Variants in SPIRE1 observed in about 807,000 individuals in gnomAD.
SPIRE1 encodes protein spire homolog 1.
A neutral mutation model predicts 94.1 loss-of-function variants in SPIRE1; 40 were observed. The ratio of observed to expected loss-of-function variants is 0.43; its 90% CI spans 0.33 to 0.55. SPIRE1 has a LOEUF of 0.55. SPIRE1 is among the 20% of genes least tolerant of loss of function. SPIRE1 has a pLI of 0.06. For synonymous variants in SPIRE1, 376 were observed against 371.7 expected (o/e 1.01, Z -0.13); for missense variants, 838 against 975.2 (o/e 0.86, Z 1.87).
At chr18:12,617,071 G>A (rs889172366) in intron 2 of SPIRE1, among the ~76,000 whole-genome samples, 1 of 150,614 alleles carries the variant, frequency 6.6e-6, no homozygotes, top group Non-Finnish European at 1.5e-5. Context: ...TGTTGGCCAG[G>A]CTGGTCTTGG....
intron 1 of SPIRE1, among the ~76,000 whole-genome samples, chr18:12,635,690 T>C (rs1034412986): frequency 6.6e-6 from 1 of 152,180 alleles, no homozygotes. Context: ...CATTAGTATT[T>C]TTCTCCATCA....
At chr18:12,565,157 C>G (rs772741360) in intron 2 of SPIRE1, among the ~76,000 whole-genome samples, 1 of 152,048 alleles carries the variant, frequency 6.6e-6, no homozygotes, top group Non-Finnish European at 1.5e-5. Flanking sequence ...ATCCAAGATA[C>G]AGCAAAAATT....
At chr18:12,508,696 G>A (rs550329742) in intron 5 of SPIRE1, among the ~76,000 whole-genome samples, 39 of 148,312 alleles carry the variant, frequency 2.6e-4, no homozygotes, top group Non-Finnish European at 4.5e-4. Context: ...TTTTTGAGAC[G>A]GAGTCTTGCT....
chr18:12,631,344 A>G (rs1406574529), intron 2 of SPIRE1, among the ~76,000 whole-genome samples: 1 of 151,966 alleles, frequency 6.6e-6, no homozygotes, highest in African/African-American at 2.4e-5. Context: ...TGGAGGAAAA[A>G]AAAACTACAT....
rs530706737 is a variant in SPIRE1 at position 12,520,718 on chromosome 18, G to A, written c.730-8187C>T. Reference sequence around the variant, plus strand: ...AAGTGGTATGTTCACCACTTGGAGGGATATAAACCTATTTTAGGTCTAGAA... The same window carrying A: ...AAGTGGTATGTTCACCACTTGGAGGAATATAAACCTATTTTAGGTCTAGAA... On this transcript the variant is annotated intron_variant, in intron 4 of 16. Coordinates refer to ENST00000409402, the MANE Select transcript of SPIRE1 (RefSeq NM_001128626.2). Among the ~76,000 whole-genome samples the A allele has an allele frequency of 5.9e-5, 9 of 152,280 alleles. No homozygotes were observed. The South Asian group carries it at 1.9e-3, about 32-fold the overall frequency.
intron 16 of SPIRE1, 120 bp from the exon 17 acceptor site, chr18:12,450,016 T>C: frequency 9.8e-7 from 1 of 1,024,808 alleles, no homozygotes; most frequent in East Asian, 2.6e-5. Flanking sequence ...GGATGAGTGA[T>C]TTAATCATAT....
chr18:12,661,593 G>A (rs1451124859), upstream of SPIRE1, among the ~76,000 whole-genome samples: 2 of 151,932 alleles, frequency 1.3e-5, no homozygotes, highest in African/African-American at 4.8e-5. Context: ...CCAACATGGT[G>A]AAACCTCGTC....
chr18:12,521,389 T>C (rs569863329), intron 4 of SPIRE1, among the ~76,000 whole-genome samples: 165 of 151,948 alleles, frequency 1.1e-3, no homozygotes, highest in Middle Eastern at 3.4e-3. Context: ...TGGGGTGCAG[T>C]GGCACGTGAT....
chr18:12,604,230 T>C (rs2036911707), intron 2 of SPIRE1, among the ~76,000 whole-genome samples: 1 of 152,094 alleles, frequency 6.6e-6, no homozygotes, highest in Non-Finnish European at 1.5e-5. Flanking sequence ...TTACTTGCGA[T>C]TGGTGCTCAA....
intron 4 of SPIRE1, among the ~76,000 whole-genome samples, chr18:12,532,955 C>A (rs957135118): frequency 5.3e-5 from 8 of 152,138 alleles, no homozygotes; most frequent in African/African-American, 1.9e-4. Flanking sequence ...TATTAGCAAA[C>A]CCACCTCAAT....
At chr18:12,487,643 C>T (rs1369667233) in intron 8 of SPIRE1, among the ~76,000 whole-genome samples, 4 of 152,124 alleles carry the variant, frequency 2.6e-5, no homozygotes, top group Admixed American at 2.0e-4. Context: ...CCGCCCGCCT[C>T]GGCCTCCCAA....
At chr18:12,512,614 A>C in intron 4 of SPIRE1, 83 bp from the exon 5 acceptor site, 1 of 845,796 alleles carries the variant, frequency 1.2e-6, no homozygotes, top group South Asian at 1.5e-5. Flanking sequence ...TTCAGATAAG[A>C]CATATATTCA....
chr18:12,538,431 G>C (rs1299855415), intron 3 of SPIRE1, among the ~76,000 whole-genome samples: 2 of 152,050 alleles, frequency 1.3e-5, no homozygotes, highest in Non-Finnish European at 2.9e-5. Context: ...TCTCCTCTTT[G>C]CTCTACATAT....
At chr18:12,500,954 C>T (rs2033635500) in intron 6 of SPIRE1, among the ~76,000 whole-genome samples, 1 of 151,408 alleles carries the variant, frequency 6.6e-6, no homozygotes, top group South Asian at 2.1e-4. Context: ...TGCCTGTAAA[C>T]CCAGCTACTT....
intron 3 of SPIRE1, among the ~76,000 whole-genome samples, chr18:12,542,171 G>A (rs568403190): frequency 6.6e-6 from 1 of 151,992 alleles, no homozygotes; most frequent in African/African-American, 2.4e-5. Flanking sequence ...TAGAGACGGG[G>A]TTTCACCATG....
rs142857055 is a variant in SPIRE1, at chr18:12,496,450, T to A, written c.973-348A>T. Among the ~76,000 whole-genome samples the A allele has an allele frequency of 5.9e-3, 904 of 152,202 alleles. 5 individuals carry two copies. Among genetic ancestry groups the A allele is most frequent in the African/African-American group, 0.021 (862 of 41,532 alleles). The stretch of plus-strand genomic sequence containing the variant: ...TTCCTCCTTGTAAAAAAAACCTAGG[T>A]AGGCCGGGAGCAGTGGCTCACGCAT... On this transcript the variant is annotated intron_variant, in intron 6 of 16. Transcript: ENST00000409402.
In SPIRE1 at chr18:12,463,442, T is replaced by G; in HGVS notation, c.1547A>C (p.Gln516Pro). Residue 516 changes from glutamine to proline, a missense_variant, in exon 12 of 17, where the codon CAG (glutamine) becomes CCG (proline). Transcript: ENST00000409402. ...AATGGAATGTCGTCTCTGGGGTGGC[T>G]GCCGTCTCTCTGGCTGGGGTGTTGA... The part of the protein sequence containing the change: ...ISSTPQPERR[Q>P]PPQRRHSIEK... 1 of 1,614,022 alleles carries G rather than the reference T, an allele frequency of 6.2e-7. No individual in the cohort carries two copies. The highest frequency in any genetic ancestry group is 8.5e-7 in the Non-Finnish European group (1 of 1,179,954).
At chr18:12,523,795 T>C (rs2034428662) in intron 4 of SPIRE1, among the ~76,000 whole-genome samples, 1 of 152,196 alleles carries the variant, frequency 6.6e-6, no homozygotes, top group African/African-American at 2.4e-5. Context: ...GCAATCCTCC[T>C]ACCTCAGCCT....
intron 2 of SPIRE1, among the ~76,000 whole-genome samples, chr18:12,613,160 T>G (rs1390812278): frequency 1.3e-5 from 2 of 152,344 alleles, no homozygotes; most frequent in Non-Finnish European, 2.9e-5. Context: ...AAACTTTTGT[T>G]TTTTAAAGTC....
Sources: gnomAD v4.1 joint callset for allele counts (sites outside exome capture counted in the v4.1 genomes callset) on GRCh38, gnomAD v4.1.1 for gene constraint, MANE v1.5 for transcripts, NCBI Gene and HGNC (gene_info 2026-07-23, HGNC 2026-07-21) for gene names.